Variants in NFASC observed in about 807,000 individuals in gnomAD.
The protein encoded by NFASC is neurofascin.
NFASC carries 43 observed loss-of-function variants against 147.5 expected under a neutral mutation model. The ratio of observed to expected loss-of-function variants is 0.29; its 90% confidence interval spans 0.23 to 0.38. The LOEUF is 0.38. NFASC is among the 10% of genes least tolerant of loss of function. NFASC has a pLI of 1.00. For missense variants in NFASC, 1,320 were observed against 1,689.0 expected, an observed-to-expected ratio of 0.78 and a Z score of 3.83; for synonymous variants, 622 against 665.5, an observed-to-expected ratio of 0.93 and a Z score of 1.01.
intron 1 of NFASC, among the ~76,000 whole-genome samples, chr1:204,909,894 G>A (rs975012102): frequency 1.3e-5 from 2 of 151,152 alleles, no homozygotes; most frequent in African/African-American, 4.9e-5. Flanking sequence ...TTAAGTATAT[G>A]TGTGTTTCTA....
chr1:204,865,274 C>G (rs1371663426), intron 1 of NFASC, among the ~76,000 whole-genome samples: 1 of 152,100 alleles, frequency 6.6e-6, no homozygotes, highest in African/African-American at 2.4e-5. Context: ...AGATTAACAG[C>G]AATAACTAAT....
At chr1:204,830,904 A>G (rs1672046583) in intron 1 of NFASC, among the ~76,000 whole-genome samples, 1 of 152,174 alleles carries the variant, frequency 6.6e-6, no homozygotes, top group African/African-American at 2.4e-5. Context: ...CCTGTGCAGT[A>G]AACTCTGAAT....
Position 204,981,806 on chromosome 1 carries a change from T to G in NFASC, c.2256T>G (p.Asn752Lys). 1 of 1,558,170 alleles carries G rather than the reference T, an allele frequency of 6.4e-7. No homozygotes were observed. The highest frequency in any genetic ancestry group is 2.4e-5 in the East Asian group (1 of 42,454). ...TCTGTCCCTCTGCCCAGCCCATGAA[T>G]GCCACCTCGGCCTTTGGCCCCAACC... ...NNMEITWTPMNATSAFGPNLR... is the reference protein window; with the variant it reads ...NNMEITWTPMKATSAFGPNLR... Residue 752 changes from asparagine (N) to lysine (K), a missense_variant, in exon 21 of 30, where the codon AAT (asparagine) becomes AAG (lysine). Physicochemically the swap from Asn to Lys is moderately conservative, Grantham distance 94. Transcript: ENST00000339876.
At chr1:204,948,251 A>G (rs924847147) in intron 3 of NFASC, among the ~76,000 whole-genome samples, 1 of 152,102 alleles carries the variant, frequency 6.6e-6, no homozygotes, top group Non-Finnish European at 1.5e-5. Context: ...ACTGGGTGGG[A>G]GCTTGGTCAC....
At chr1:204,892,691 A>G (rs12401710) in intron 1 of NFASC, among the ~76,000 whole-genome samples, 17,207 of 152,286 alleles carry the variant, frequency 0.11, 1,815 homozygotes, top group East Asian at 0.51. Flanking sequence ...TTATGTATTG[A>G]TTAGAAGCTG....
intron 1 of NFASC, among the ~76,000 whole-genome samples, chr1:204,889,010 C>T (rs983152374): frequency 7.2e-5 from 11 of 152,148 alleles, no homozygotes; most frequent in Non-Finnish European, 1.3e-4. Flanking sequence ...GGTTGGGATG[C>T]TTCCCGTGGG....
intron 1 of NFASC, among the ~76,000 whole-genome samples, chr1:204,910,107 A>G (rs1468475562): frequency 6.6e-6 from 1 of 152,114 alleles, no homozygotes; most frequent in Non-Finnish European, 1.5e-5. Context: ...TAATTTGTCT[A>G]GCTGTTAAAA....
In NFASC at chr1:204,838,382, T is replaced by G. The variant is rs544072202; in HGVS notation, c.-200+9600T>G. 3.2e-4 allele frequency among the ~76,000 whole-genome samples: 48 copies of G among 152,282 alleles called. No individual in the cohort carries two copies. In the South Asian group the frequency reaches 9.5e-3, roughly 30 times the overall value. ...ACTTAGAGTAAAGTGGACTTTTGAG[T>G]GGGGGTAAGTTTGACCAATTGTTGG... is the stretch of plus-strand genomic sequence containing the variant. On this transcript the variant is annotated intron_variant, in intron 1 of 29. Transcript: ENST00000339876.
intron 27 of NFASC, among the ~76,000 whole-genome samples, chr1:205,006,798 G>A (rs367880305): frequency 6.6e-6 from 1 of 152,330 alleles, no homozygotes; most frequent in East Asian, 1.9e-4. Context: ...AGCAGCAGGA[G>A]AGCTGGGAGA....
At chr1:204,962,746 G>A (rs2094743066) in intron 8 of NFASC, among the ~76,000 whole-genome samples, 1 of 152,114 alleles carries the variant, frequency 6.6e-6, no homozygotes, top group African/African-American at 2.4e-5. Context: ...TAAATGAGGT[G>A]AAACCATCCA....
intron 1 of NFASC, among the ~76,000 whole-genome samples, chr1:204,908,723 C>G (rs2086620382): frequency 6.6e-6 from 1 of 152,134 alleles, no homozygotes; most frequent in South Asian, 2.1e-4. Flanking sequence ...CTTCCTTAAC[C>G]CCTGGCACCC....
intron 1 of NFASC, among the ~76,000 whole-genome samples, chr1:204,910,003 TA>T (rs750384713): frequency 1.3e-5 from 2 of 152,174 alleles, no homozygotes; most frequent in Non-Finnish European, 2.9e-5. Context: ...AATGAGTCTT[TA>T]AATTGGGTAG....
chr1:204,907,879 A>C (rs1447496331), intron 1 of NFASC, among the ~76,000 whole-genome samples: 1 of 152,212 alleles, frequency 6.6e-6, no homozygotes, highest in Non-Finnish European at 1.5e-5. Context: ...TAGCTTTTAA[A>C]TACACCTGGG....
chr1:204,946,602 G>T, intron 3 of NFASC: 1 of 473,414 alleles, frequency 2.1e-6, no homozygotes, highest in East Asian at 6.1e-5. Flanking sequence ...CAGGGGATGA[G>T]GGGGCAGGTC....
intron 1 of NFASC, among the ~76,000 whole-genome samples, chr1:204,853,699 T>C (rs1039057786): frequency 2.0e-5 from 3 of 152,228 alleles, no homozygotes; most frequent in Admixed American, 6.5e-5. Flanking sequence ...TATATTGCAC[T>C]GAACTGAGAG....
intron 8 of NFASC, among the ~76,000 whole-genome samples, chr1:204,967,220 C>G (rs73069108): frequency 6.6e-6 from 1 of 152,160 alleles, no homozygotes; most frequent in Non-Finnish European, 1.5e-5. Flanking sequence ...TACGATCGTA[C>G]ACCTTGGCCA....
intron 1 of NFASC, among the ~76,000 whole-genome samples, chr1:204,875,156 C>G (rs1450547922): frequency 6.6e-6 from 1 of 152,058 alleles, no homozygotes; most frequent in African/African-American, 2.4e-5. Flanking sequence ...ATAAGGTGCT[C>G]ATATTGATGT....
chr1:204,907,470 T>C (rs2086246851), intron 1 of NFASC, among the ~76,000 whole-genome samples: 1 of 152,196 alleles, frequency 6.6e-6, no homozygotes, highest in African/African-American at 2.4e-5. Context: ...GACTAGCCCC[T>C]CCCTGCCCCC....
intron 1 of NFASC, among the ~76,000 whole-genome samples, chr1:204,899,174 C>T (rs529653723): frequency 2.4e-4 from 37 of 152,300 alleles, no homozygotes; most frequent in Non-Finnish European, 8.8e-5. Context: ...GTCACAGCAC[C>T]GCTGGCTCCA....
Sources: gnomAD v4.1 joint callset for allele counts (sites outside exome capture counted in the v4.1 genomes callset) on GRCh38, gnomAD v4.1.1 for gene constraint, MANE v1.5 for transcripts, NCBI Gene and HGNC (gene_info 2026-07-23, HGNC 2026-07-21) for gene names.